Variants in L2HGDH observed in about 807,000 individuals in gnomAD.
L2HGDH encodes the protein L-2-hydroxyglutarate dehydrogenase.
L2HGDH carries 34 observed loss-of-function variants against 51.5 expected under a neutral mutation model. The ratio of observed to expected loss-of-function variants is 0.66; its 90% CI spans 0.50 to 0.88. The LOEUF (loss-of-function observed/expected upper bound fraction) is 0.88. Among genes scored for constraint, L2HGDH ranks in the 40% least tolerant of loss-of-function variants. L2HGDH has a pLI of 0.00. For missense variants in L2HGDH, 558 were observed against 571.9 expected (o/e 0.98, Z 0.25); for synonymous variants, 198 against 197.9 (o/e 1.00, Z -0.01).
At chr14:50,292,111 A>G (rs912307149) in intron 4 of L2HGDH, among the ~76,000 whole-genome samples, 1 of 152,216 alleles carries the variant, frequency 6.6e-6, no homozygotes, top group African/African-American at 2.4e-5. Context: ...TATAAGAGAC[A>G]TGCCATGCAA....
chr14:50,274,708 T>C (rs989845021), intron 6 of L2HGDH, among the ~76,000 whole-genome samples: 1 of 152,126 alleles, frequency 6.6e-6, no homozygotes, highest in Non-Finnish European at 1.5e-5. Flanking sequence ...AGCCAAGACA[T>C]GAGAACAACG....
chr14:50,255,615 T>C (rs1888623014), intron 9 of L2HGDH, among the ~76,000 whole-genome samples: 1 of 151,896 alleles, frequency 6.6e-6, no homozygotes, highest in Admixed American at 6.6e-5. Context: ...AGGGCAAGTA[T>C]GGTGTCAACA....
chr14:50,276,584 T>C (rs1358555378), intron 6 of L2HGDH, among the ~76,000 whole-genome samples: 1 of 151,856 alleles, frequency 6.6e-6, no homozygotes, highest in East Asian at 1.9e-4. Flanking sequence ...GCTAATCCAA[T>C]AGGACTGGTG....
At chr14:50,285,815 C>T (rs1890535263) in intron 4 of L2HGDH, among the ~76,000 whole-genome samples, 1 of 152,220 alleles carries the variant, frequency 6.6e-6, no homozygotes, top group Non-Finnish European at 1.5e-5. Context: ...AGAGGATCCC[C>T]TTTACTCCAT....
chr14:50,287,452 A>C, intron 4 of L2HGDH: 2 of 280,298 alleles, frequency 7.1e-6, no homozygotes, highest in South Asian at 1.4e-4. Context: ...CAAATCTATA[A>C]TGGGGCCAGC....
chr14:50,270,495 GT>G (rs1320630506), intron 6 of L2HGDH, among the ~76,000 whole-genome samples: 2 of 34,722 alleles, frequency 5.8e-5, no homozygotes, highest in East Asian at 2.9e-3. Context: ...TTACTGTTTT[GT>G]TGTTGTTGTT....
At chr14:50,248,497 T>C (rs964494333) in intron 9 of L2HGDH, among the ~76,000 whole-genome samples, 6 of 152,186 alleles carry the variant, frequency 3.9e-5, no homozygotes, top group Non-Finnish European at 7.3e-5. Flanking sequence ...AAACAACTCT[T>C]AAGAGGCTGA....
chr14:50,302,570 T>C (rs1279290898), intron 2 of L2HGDH, among the ~76,000 whole-genome samples: 1 of 152,174 alleles, frequency 6.6e-6, no homozygotes, highest in Non-Finnish European at 1.5e-5. Flanking sequence ...AAATACTACA[T>C]TGCTCCTCAG....
rs1888001592 is a variant in L2HGDH at position 50,246,404 on chromosome 14, G to A, written c.*654C>T. ...AGCTAATTTTTGTATTTTTTGTAGA[G>A]ATGGGGTTTCATTCACTATGTTGCC... On this transcript the variant is annotated 3_prime_UTR_variant, in exon 10 of 10. Coordinates refer to ENST00000267436, the MANE Select transcript of L2HGDH (RefSeq NM_024884.3). 1 of 143,720 alleles carries A rather than the reference G, an allele frequency of 7.0e-6. No homozygotes were observed. Among genetic ancestry groups the A allele is most frequent in the African/African-American group, 2.6e-5 (1 of 38,856 alleles). 8.9% of individuals were successfully genotyped at this position (143,720 alleles called of 1,614,324 possible). A position where few individuals can be genotyped will look rare whatever the true frequency, so the allele number is the denominator to read the frequency against.
Position 50,283,861 on chromosome 14 carries a change from G to T in L2HGDH, c.703+10C>A. On this transcript the variant is annotated intron_variant, in intron 5 of 9. Transcript: ENST00000267436. Reference sequence around the variant, plus strand: ...GACTATATTCAATAGAAAAGACAAGGATGGCTTACCATCTATACTTCTTGA... The same window carrying T: ...GACTATATTCAATAGAAAAGACAAGTATGGCTTACCATCTATACTTCTTGA... The T allele has an allele frequency of 6.2e-7, 1 of 1,612,574 alleles. No individual in the cohort carries two copies. The highest frequency in any genetic ancestry group is 1.3e-5 in the African/African-American group (1 of 74,964).
intron 8 of L2HGDH, among the ~76,000 whole-genome samples, chr14:50,266,555 CTGATTG>C: frequency 6.6e-6 from 1 of 152,252 alleles, no homozygotes; most frequent in Non-Finnish European, 1.5e-5. Flanking sequence ...AGTGGGAGAA[CTGATTG>C]ATCCCAGGAG....
chr14:50,248,776 C>T (rs184289289), intron 9 of L2HGDH, among the ~76,000 whole-genome samples: 37 of 152,268 alleles, frequency 2.4e-4, no homozygotes, highest in East Asian at 1.9e-3. Flanking sequence ...AACATTGGTT[C>T]GGCTGCTAGA....
In L2HGDH at chr14:50,263,645, T is replaced by C. The variant is rs953706547; in HGVS notation, c.1196+1713A>G. ...GTGAGAGTACCTCAAAGTACACTGC[T>C]GATTAGGCCTAACGAATGGCTTGCT... On this transcript the variant is annotated intron_variant, in intron 9 of 9. Transcript: ENST00000267436. 2.0e-5 allele frequency among the ~76,000 whole-genome samples: 3 copies of C among 152,274 alleles called. No individual in the cohort carries two copies. In the South Asian group the frequency reaches 6.2e-4, roughly 32 times the overall value.
chr14:50,276,505 T>C (rs1424429128), intron 6 of L2HGDH, among the ~76,000 whole-genome samples: 2 of 150,876 alleles, frequency 1.3e-5, no homozygotes, highest in Non-Finnish European at 2.9e-5. Context: ...CAACCCTTAA[T>C]GTGAACTGTA....
chr14:50,269,353 T>C, intron 6 of L2HGDH, 23 bp from the exon 7 acceptor site: 4 of 1,611,190 alleles, frequency 2.5e-6, no homozygotes, highest in Non-Finnish European at 3.4e-6. Context: ...AAAAGAACAG[T>C]TATTTGTATA....
Position 50,302,026 on chromosome 14 carries a change from C to G in L2HGDH, c.399G>C (p.Gln133His). 6.2e-7 allele frequency: 1 copy of G among 1,614,100 alleles called. No homozygotes were observed. Among genetic ancestry groups the G allele is most frequent in the Non-Finnish European group, 8.5e-7 (1 of 1,180,004 alleles). ...TAATAAAATGCCATACCTTGCCACA[C>G]TGCTTGTAGGAAATTCCCTTTTGCT... ...YCQQKGISYK[Q>H]CGKLIVAVEQ... Residue 133 changes from glutamine to histidine, a missense_variant, in exon 3 of 10, where the codon CAG becomes CAC. This residue lies in a region of L2HGDH where 194 missense variants were observed against 187.2 expected (regional missense o/e 1.04). Coordinates refer to ENST00000267436, the MANE Select transcript of L2HGDH (RefSeq NM_024884.3).
intron 9 of L2HGDH, among the ~76,000 whole-genome samples, chr14:50,257,349 T>C (rs1888728426): frequency 6.6e-6 from 1 of 151,740 alleles, no homozygotes; most frequent in African/African-American, 2.4e-5. Flanking sequence ...CTGTCTAACC[T>C]AGTCATCTGA....
intron 9 of L2HGDH, among the ~76,000 whole-genome samples, chr14:50,254,580 G>A (rs997221386): frequency 6.6e-6 from 1 of 152,040 alleles, no homozygotes; most frequent in Non-Finnish European, 1.5e-5. Context: ...GAATCAGTCA[G>A]TACATTCCCT....
At chr14:50,276,096 G>A (rs935020347) in intron 6 of L2HGDH, among the ~76,000 whole-genome samples, 1 of 152,170 alleles carries the variant, frequency 6.6e-6, no homozygotes, top group African/African-American at 2.4e-5. Context: ...TGATAAAGAG[G>A]AATATGCCTG....
Sources: allele counts gnomAD v4.1 joint callset (sites outside exome capture counted in the v4.1 genomes callset), GRCh38; gene constraint gnomAD v4.1.1; regional missense constraint gnomAD v4.1.1; transcripts MANE v1.5; gene names NCBI Gene and HGNC (gene_info 2026-07-23, HGNC 2026-07-21).